The following B3GLCT variants were observed in gnomAD, a reference collection of about 807,000 sequenced individuals.
B3GLCT encodes beta-1,3-glucosyltransferase.
A neutral mutation model predicts 63.4 loss-of-function variants in B3GLCT; 65 were observed. The observed-to-expected ratio is 1.03, with a 90% CI of 0.84 to 1.26. The LOEUF is 1.26. B3GLCT is among the 50% of genes most tolerant of loss of function. The pLI, the probability that B3GLCT is intolerant of heterozygous loss-of-function variation, is 0.00. For missense variants in B3GLCT, 577 were observed against 604.8 expected (o/e 0.95, Z 0.48); for synonymous variants, 233 against 219.2 (o/e 1.06, Z -0.55).
At chr13:31,246,156 TG>T (rs1871185847) in intron 4 of B3GLCT, among the ~76,000 whole-genome samples, 1 of 152,188 alleles carries the variant, frequency 6.6e-6, no homozygotes, top group Non-Finnish European at 1.5e-5. Flanking sequence ...TTGTCTGTAA[TG>T]GTTACTAGGA....
intron 6 of B3GLCT, among the ~76,000 whole-genome samples, chr13:31,254,465 C>T (rs1032085685): frequency 6.6e-6 from 1 of 152,168 alleles, no homozygotes; most frequent in African/African-American, 2.4e-5. Context: ...TTCAACAGCC[C>T]TTCATGCTAA....
Position 31,248,031 on chromosome 13 carries a change from G to C in B3GLCT, c.459+65G>C, listed in dbSNP as rs1310857709. The C allele has an allele frequency of 1.1e-5, 10 of 901,008 alleles. No individual in the cohort carries two copies. In the East Asian group the frequency reaches 2.2e-4, roughly 20 times the overall value. 55.8% of individuals were successfully genotyped at this position (901,008 alleles called of 1,614,324 possible). On this transcript the variant is annotated intron_variant, in intron 6 of 14. Transcript: ENST00000343307. ...AGTGTTTCAAAGGAGATTTAATTTT[G>C]ATTAAGAAGCTTTTGAATCTAATAA... is the stretch of plus-strand genomic sequence containing the variant.
chr13:31,218,431 C>T (rs917977853), intron 2 of B3GLCT, among the ~76,000 whole-genome samples: 1 of 152,104 alleles, frequency 6.6e-6, no homozygotes, highest in African/African-American at 2.4e-5. Flanking sequence ...AGTGATCCGC[C>T]TGCCTCAGCC....
At chr13:31,321,909 T>G (rs1400231607) in intron 13 of B3GLCT, among the ~76,000 whole-genome samples, 2 of 152,118 alleles carry the variant, frequency 1.3e-5, no homozygotes. Flanking sequence ...AGTTCTTTAG[T>G]GGTGATTTCT....
intron 11 of B3GLCT, 137 bp downstream of exon 11, chr13:31,284,898 A>T (rs1434761786): frequency 7.5e-6 from 5 of 670,524 alleles, no homozygotes; most frequent in Non-Finnish European, 1.3e-5. Context: ...CTTCTCTCAG[A>T]TACTGATTGG....
At chr13:31,204,891 G>A (rs1868867653) in intron 1 of B3GLCT, among the ~76,000 whole-genome samples, 1 of 152,178 alleles carries the variant, frequency 6.6e-6, no homozygotes, top group African/African-American at 2.4e-5. Context: ...ATGGGTAGTA[G>A]TGCTGTTTAC....
In B3GLCT at chr13:31,323,773, G is replaced by A. The variant is rs147485868; in HGVS notation, c.1207G>A (p.Val403Ile). The A allele has an allele frequency of 1.7e-3, 2,693 of 1,614,130 alleles. 4 individuals are homozygous for A. Among genetic ancestry groups the A allele is most frequent in the Non-Finnish European group, 2.1e-3 (2,469 of 1,180,000 alleles). ...GGGMVFSREAVRRLLASKCRC... is the reference protein window; with the variant it reads ...GGGMVFSREAIRRLLASKCRC... ...TAGAATGGTCTTCAGCAGAGAAGCC[G>A]TCAGGAGACTTCTCGCCAGTAAATG... The change falls in exon 14 of 15, where the codon GTC becomes ATC. Residue 403 changes from valine (V) to isoleucine (I), a missense_variant. By Grantham distance (29) the Val-to-Ile change is conservative (BLOSUM62 3). Transcript: ENST00000343307.
At chr13:31,309,172 C>G (rs1281669867) in intron 12 of B3GLCT, among the ~76,000 whole-genome samples, 1 of 152,168 alleles carries the variant, frequency 6.6e-6, no homozygotes, top group African/African-American at 2.4e-5. Context: ...TATCCTTTCT[C>G]TTCTCAAACC....
Position 31,310,592 on chromosome 13 carries a change from C to T in B3GLCT, c.1065-6974C>T, listed in dbSNP as rs550935735. Among the ~76,000 whole-genome samples the T allele has an allele frequency of 3.3e-5, 5 of 152,256 alleles. No homozygotes were observed. The South Asian group carries it at 8.3e-4, about 25-fold the overall frequency. ...TGCCCCACATTATGGGAACTGGCAG[C>T]GGTGGGGCTGGGCCAGCCCAGGAGC... On this transcript the variant is annotated intron_variant, in intron 12 of 14. Transcript: ENST00000343307.
At chr13:31,240,431 A>G (rs892073372) in intron 4 of B3GLCT, among the ~76,000 whole-genome samples, 3 of 129,722 alleles carry the variant, frequency 2.3e-5, no homozygotes, top group African/African-American at 8.4e-5. Flanking sequence ...GGAAATCACT[A>G]TTTTTCTTGA....
chr13:31,313,890 G>A (rs1020845373), intron 12 of B3GLCT, among the ~76,000 whole-genome samples: 1 of 152,104 alleles, frequency 6.6e-6, no homozygotes, highest in African/African-American at 2.4e-5. Context: ...CTGGACTCAG[G>A]GTCCCCATGC....
intron 6 of B3GLCT, among the ~76,000 whole-genome samples, chr13:31,251,082 A>T (rs1722865278): frequency 6.6e-6 from 1 of 152,206 alleles, no homozygotes; most frequent in South Asian, 2.1e-4. Context: ...AGGATCTGGA[A>T]CGGATCTCCA....
At chr13:31,241,976 ATT>A (rs1200328351) in intron 4 of B3GLCT, among the ~76,000 whole-genome samples, 1 of 152,174 alleles carries the variant, frequency 6.6e-6, no homozygotes, top group Non-Finnish European at 1.5e-5. Flanking sequence ...GCTCATAATC[ATT>A]GTTATTTAAT....
chr13:31,328,930 C>G (rs886723766), intron 14 of B3GLCT, among the ~76,000 whole-genome samples: 2 of 151,948 alleles, frequency 1.3e-5, no homozygotes, highest in African/African-American at 2.4e-5. Flanking sequence ...GGGTTACTTG[C>G]AATTCTCATT....
chr13:31,246,661 T>G lies in B3GLCT; in HGVS notation c.271-362T>G, dbSNP rs181591598. On this transcript the variant is annotated intron_variant, in intron 4 of 14. Transcript: ENST00000343307. ...AAAAAACTGCTTCTGTGCCTCTGAG[T>G]TATCCCTGACTACTTCCCCCAGGCT... is the stretch of plus-strand genomic sequence containing the variant. 1.4e-3 allele frequency among the ~76,000 whole-genome samples: 181 copies of G among 133,972 alleles called. 1 individual carries two copies. The highest frequency in any genetic ancestry group is 4.4e-3 in the African/African-American group (175 of 40,108). 87.9% of individuals were successfully genotyped at this position (133,972 alleles called of 152,430 possible). A position where few individuals can be genotyped will look rare whatever the true frequency, so the allele number is the denominator to read the frequency against.
intron 3 of B3GLCT, among the ~76,000 whole-genome samples, chr13:31,224,504 T>C (rs1340823725): frequency 1.3e-5 from 2 of 152,196 alleles, no homozygotes. Flanking sequence ...ACAATCTTTG[T>C]GTGAGCCTGC....
At chr13:31,224,567 T>G (rs1869994298) in intron 3 of B3GLCT, among the ~76,000 whole-genome samples, 1 of 152,062 alleles carries the variant, frequency 6.6e-6, no homozygotes, top group South Asian at 2.1e-4. Flanking sequence ...AACAGTAGAT[T>G]CAGGGCACCG....
Position 31,329,683 on chromosome 13 carries a change from T to C in B3GLCT, c.*15T>C, listed in dbSNP as rs201641836. 4.3e-6 allele frequency: 7 copies of C among 1,613,930 alleles called. No individual in the cohort carries two copies. The East Asian group carries it at 1.6e-4, about 36-fold the overall frequency. ...AGGAGTTATAAATCAGGGTGACCTG[T>C]GCGCCTAGCCTGCGCAGGGAATGAA... On this transcript the variant is annotated 3_prime_UTR_variant, in exon 15 of 15. Transcript: ENST00000343307.
At chr13:31,297,734 A>C in intron 12 of B3GLCT, among the ~76,000 whole-genome samples, 1 of 152,168 alleles carries the variant, frequency 6.6e-6, no homozygotes, top group Admixed American at 6.5e-5. Flanking sequence ...AGGCGTCCAG[A>C]ACTTCTGACT....
Sources: allele counts gnomAD v4.1 joint callset (sites outside exome capture counted in the v4.1 genomes callset), GRCh38; gene constraint gnomAD v4.1.1; transcripts MANE v1.5; gene names NCBI Gene and HGNC (gene_info 2026-07-23, HGNC 2026-07-21).